PLCB1: variants seen among roughly 807,000 people sequenced by gnomAD.
The protein encoded by PLCB1 is phospholipase C beta 1.
PLCB1 carries 46 observed loss-of-function variants against 161.8 expected under a neutral mutation model. The observed-to-expected ratio is 0.28, with a 90% CI of 0.22 to 0.36. The LOEUF is 0.36. PLCB1 is among the 10% of genes least tolerant of loss of function. PLCB1 has a pLI of 1.00. For synonymous variants in PLCB1, 517 were observed against 503.7 expected (o/e 1.03, Z -0.35); for missense variants, 1,016 against 1,472.5 (o/e 0.69, Z 5.07).
At chr20:8,639,537 T>C (rs1988874100) in intron 4 of PLCB1, among the ~76,000 whole-genome samples, 1 of 152,184 alleles carries the variant, frequency 6.6e-6, no homozygotes, top group South Asian at 2.1e-4. Flanking sequence ...GGAAAAGAGA[T>C]CTATATCAGG....
At chr20:8,793,580 G>A (rs1288159842) in intron 31 of PLCB1, among the ~76,000 whole-genome samples, 1 of 152,168 alleles carries the variant, frequency 6.6e-6, no homozygotes, top group Non-Finnish European at 1.5e-5. Flanking sequence ...GTTTTTATTA[G>A]AGATTTTCAA....
intron 3 of PLCB1, among the ~76,000 whole-genome samples, chr20:8,593,949 A>G (rs1987239559): frequency 6.6e-6 from 1 of 152,144 alleles, no homozygotes; most frequent in East Asian, 1.9e-4. Context: ...CAGTGGTACA[A>G]ACATAGCTCA....
intron 11 of PLCB1, among the ~76,000 whole-genome samples, chr20:8,698,239 G>C (rs985512526): frequency 4.6e-5 from 7 of 152,164 alleles, no homozygotes; most frequent in Admixed American, 4.6e-4. Context: ...TTTACCCTCA[G>C]AGGTGACTAC....
chr20:8,728,339 G>C (rs1461581333), intron 17 of PLCB1, among the ~76,000 whole-genome samples: 1 of 151,980 alleles, frequency 6.6e-6, no homozygotes, highest in African/African-American at 2.4e-5. Flanking sequence ...CACCTAACTT[G>C]GTGATAGGAA....
chr20:8,482,496 C>A lies in PLCB1; in HGVS notation c.246+111046C>A, dbSNP rs184688606. On this transcript the variant is annotated intron_variant, in intron 3 of 31. Coordinates refer to ENST00000338037, the MANE Select transcript of PLCB1 (RefSeq NM_015192.4). ...AATTAGTATGTCCATTTACCTATAGCAGTGCATAAAAGGATATTTCTTTAA... is the reference window on the plus strand; with the variant it reads ...AATTAGTATGTCCATTTACCTATAGAAGTGCATAAAAGGATATTTCTTTAA... Among the ~76,000 whole-genome samples, 455 of 152,230 alleles carry A rather than the reference C, an allele frequency of 3.0e-3. 3 individuals are homozygous for A. Among genetic ancestry groups the A allele is most frequent in the Non-Finnish European group, 5.2e-3 (357 of 68,030 alleles).
chr20:8,826,038 G>A (rs777056889), intron 31 of PLCB1, among the ~76,000 whole-genome samples: 20 of 152,166 alleles, frequency 1.3e-4, no homozygotes, highest in Non-Finnish European at 2.4e-4. Context: ...TGACAGCAAC[G>A]TTGGACATAG....
chr20:8,835,781 C>CT (rs1198197066), intron 31 of PLCB1, among the ~76,000 whole-genome samples: 1 of 146,708 alleles, frequency 6.8e-6, no homozygotes, highest in African/African-American at 2.4e-5. Context: ...GCAGACGACT[C>CT]TAACTTAAAA....
intron 2 of PLCB1, among the ~76,000 whole-genome samples, chr20:8,232,080 G>A (rs75963797): frequency 0.015 from 2,290 of 152,164 alleles, 61 homozygotes; most frequent in African/African-American, 0.051. Flanking sequence ...GGTGGTGTGC[G>A]TCTGTAGTCC....
At chr20:8,408,272 G>A (rs543711279) in intron 3 of PLCB1, among the ~76,000 whole-genome samples, 5 of 152,120 alleles carry the variant, frequency 3.3e-5, no homozygotes, top group African/African-American at 1.2e-4. Flanking sequence ...CTGTAGTAGG[G>A]CATGGTGGTG....
intron 3 of PLCB1, among the ~76,000 whole-genome samples, chr20:8,618,705 A>AT (rs1477758041): frequency 6.6e-6 from 1 of 152,090 alleles, no homozygotes; most frequent in East Asian, 1.9e-4. Context: ...TTTAGAAGAC[A>AT]TTTTCTTACT....
intron 4 of PLCB1, among the ~76,000 whole-genome samples, chr20:8,630,621 C>T (rs1216387737): frequency 2.0e-5 from 3 of 152,072 alleles, no homozygotes; most frequent in African/African-American, 7.2e-5. Flanking sequence ...TAAATTAATA[C>T]AGAAAAAACA....
At chr20:8,165,689 C>CTGTG (rs2051668040) in intron 2 of PLCB1, among the ~76,000 whole-genome samples, 1 of 152,196 alleles carries the variant, frequency 6.6e-6, no homozygotes, top group Non-Finnish European at 1.5e-5. Flanking sequence ...CTTACAAAGG[C>CTGTG]TGTGCATCTT....
intron 2 of PLCB1, among the ~76,000 whole-genome samples, chr20:8,183,461 A>C (rs1382636861): frequency 6.6e-6 from 1 of 152,212 alleles, no homozygotes; most frequent in Non-Finnish European, 1.5e-5. Flanking sequence ...TTGATCTTTC[A>C]GCTACTACAT....
chr20:8,304,250 T>C (rs558482151), intron 2 of PLCB1, among the ~76,000 whole-genome samples: 230 of 152,234 alleles, frequency 1.5e-3, no homozygotes, highest in Middle Eastern at 3.4e-3. Context: ...TAAGATTCAG[T>C]CTTGAGAAGG....
chr20:8,601,101 C>G lies in PLCB1; in HGVS notation c.247-27193C>G, dbSNP rs1184832798. 5.9e-5 allele frequency among the ~76,000 whole-genome samples: 9 copies of G among 152,312 alleles called. No individual in the cohort carries two copies. In the East Asian group the frequency reaches 1.5e-3, roughly 26 times the overall value. Reference sequence around the variant, plus strand: ...TGGGAGCTGTAGACCGGAGCTGTTCCTATTCGGCCATCTTGGCTCCTCCCC... The same window carrying G: ...TGGGAGCTGTAGACCGGAGCTGTTCGTATTCGGCCATCTTGGCTCCTCCCC... On this transcript the variant is annotated intron_variant, in intron 3 of 31. Coordinates refer to ENST00000338037, the MANE Select transcript of PLCB1 (RefSeq NM_015192.4).
chr20:8,710,336 A>G (rs1978930023), intron 12 of PLCB1, among the ~76,000 whole-genome samples: 1 of 152,070 alleles, frequency 6.6e-6, no homozygotes, highest in Non-Finnish European at 1.5e-5. Context: ...GAATGGTGTT[A>G]CACCATAAGA....
At chr20:8,817,654 T>C (rs2146259964) in intron 31 of PLCB1, among the ~76,000 whole-genome samples, 1 of 152,304 alleles carries the variant, frequency 6.6e-6, no homozygotes, top group East Asian at 1.9e-4. Flanking sequence ...GAACCCATCT[T>C]TAAACCAGAC....
chr20:8,571,625 G>C (rs2123051749), intron 3 of PLCB1, among the ~76,000 whole-genome samples: 1 of 152,264 alleles, frequency 6.6e-6, no homozygotes, highest in South Asian at 2.1e-4. Flanking sequence ...ATAGAGGATT[G>C]AGAGGAATGG....
chr20:8,847,475 G>C (rs375491582), intron 31 of PLCB1, among the ~76,000 whole-genome samples: 6 of 152,314 alleles, frequency 3.9e-5, no homozygotes, highest in African/African-American at 9.6e-5. Flanking sequence ...CTAAAAAGGG[G>C]TCTTGGGGCC....
Sources: gnomAD v4.1 joint callset for allele counts (sites outside exome capture counted in the v4.1 genomes callset) on GRCh38, gnomAD v4.1.1 for gene constraint, MANE v1.5 for transcripts, NCBI Gene and HGNC (gene_info 2026-07-23, HGNC 2026-07-21) for gene names.